NALF1: variants seen among roughly 807,000 people sequenced by gnomAD.
NALF1 encodes the protein family with sequence similarity 155 member A.
In NALF1, 3 loss-of-function variants were observed where a neutral mutation model predicts 48.4. The observed-to-expected ratio is 0.06, with a 90% CI of 0.03 to 0.16. The LOEUF (loss-of-function observed/expected upper bound fraction) is 0.16. NALF1 is among the 10% of genes least tolerant of loss of function. The pLI is 1.00. For missense variants in NALF1, 526 were observed against 571.5 expected (o/e 0.92, Z 0.81); for synonymous variants, 262 against 245.7 (o/e 1.07, Z -0.62).
At chr13:107,174,355 A>AT (rs1260135014) in intron 2 of NALF1, among the ~76,000 whole-genome samples, 3 of 73,018 alleles carry the variant, frequency 4.1e-5, no homozygotes, top group African/African-American at 2.1e-4. Context: ...TTATTTATTT[A>AT]TTTATTTATT....
intron 1 of NALF1, among the ~76,000 whole-genome samples, chr13:107,337,248 A>C (rs1487959253): frequency 6.6e-6 from 1 of 152,112 alleles, no homozygotes; most frequent in African/African-American, 2.4e-5. Context: ...GCAATATGAA[A>C]ATGCATAATT....
intron 1 of NALF1, among the ~76,000 whole-genome samples, chr13:107,465,173 C>T (rs887974139): frequency 1.4e-4 from 21 of 151,898 alleles, no homozygotes; most frequent in South Asian, 2.1e-4. Flanking sequence ...AACTTTGGTA[C>T]GGTCACAGAA....
At chr13:107,768,266 T>C (rs1378041108) in intron 1 of NALF1, among the ~76,000 whole-genome samples, 3 of 152,202 alleles carry the variant, frequency 2.0e-5, no homozygotes, top group Non-Finnish European at 2.9e-5. Context: ...TAGTAATTTG[T>C]TTCTAACATT....
At chr13:107,182,000 C>T (rs1359082701) in intron 2 of NALF1, among the ~76,000 whole-genome samples, 2 of 151,658 alleles carry the variant, frequency 1.3e-5, no homozygotes, top group African/African-American at 4.8e-5. Context: ...AAATTTTTTT[C>T]CATAATTTTT....
intron 1 of NALF1, among the ~76,000 whole-genome samples, chr13:107,711,516 A>G (rs1875591588): frequency 6.6e-6 from 1 of 152,144 alleles, no homozygotes; most frequent in Non-Finnish European, 1.5e-5. Flanking sequence ...TTGTATTTTC[A>G]GTAGAGACAG....
At position 107,164,615 on chromosome 13, in the gene NALF1, CCTTTAA is replaced by C. The variant is rs1156710464; in HGVS notation, c.*5876_*5881del. On this transcript the variant is annotated 3_prime_UTR_variant, in exon 3 of 3. Transcript: ENST00000375915. ...AGAACCACTTCAATTTGTGTAGATGCCTTTAACTTTTGCTTGTCAGTAGTAGCCTTT... is the reference window on the plus strand; with the variant it reads ...AGAACCACTTCAATTTGTGTAGATGCCTTTTGCTTGTCAGTAGTAGCCTTT... The C allele has an allele frequency of 2.0e-5, 3 of 151,044 alleles. No homozygotes were observed. The highest frequency in any genetic ancestry group is 6.6e-5 in the Admixed American group (1 of 15,168). The allele number at this position is 151,044 out of a possible 1,614,324, so 9.4% of individuals were successfully genotyped here.
chr13:107,442,824 C>A (rs1296115695), intron 1 of NALF1, among the ~76,000 whole-genome samples: 1 of 152,028 alleles, frequency 6.6e-6, no homozygotes, highest in Non-Finnish European at 1.5e-5. Context: ...AATGGCAAAT[C>A]GGCATTGATA....
At chr13:107,750,381 A>G (rs1040848526) in intron 1 of NALF1, among the ~76,000 whole-genome samples, 3 of 152,196 alleles carry the variant, frequency 2.0e-5, no homozygotes, top group African/African-American at 7.2e-5. Flanking sequence ...AAGCTATGTA[A>G]ACAATGTTTA....
intron 1 of NALF1, among the ~76,000 whole-genome samples, chr13:107,309,726 C>T (rs1882008470): frequency 6.6e-6 from 1 of 152,260 alleles, no homozygotes; most frequent in Admixed American, 6.5e-5. Context: ...TAACATTTTG[C>T]TCACCTGAGA....
intron 1 of NALF1, among the ~76,000 whole-genome samples, chr13:107,301,074 T>C (rs1383735764): frequency 6.6e-6 from 1 of 152,210 alleles, no homozygotes; most frequent in Admixed American, 6.5e-5. Flanking sequence ...ATATTCCTCT[T>C]TTTTATGTAT....
chr13:107,825,967 G>A (rs1334629825), intron 1 of NALF1, among the ~76,000 whole-genome samples: 4 of 152,198 alleles, frequency 2.6e-5, no homozygotes, highest in Admixed American at 2.0e-4. Context: ...TTTTAGTAGA[G>A]ATGGGGTTTC....
chr13:107,721,262 T>C (rs1166559506), intron 1 of NALF1, among the ~76,000 whole-genome samples: 1 of 151,978 alleles, frequency 6.6e-6, no homozygotes, highest in East Asian at 1.9e-4. Context: ...CATGTAAAAA[T>C]GATACCGGTT....
chr13:107,483,574 C>T (rs977472774), intron 1 of NALF1, among the ~76,000 whole-genome samples: 1 of 151,962 alleles, frequency 6.6e-6, no homozygotes, highest in Non-Finnish European at 1.5e-5. Flanking sequence ...GAAGAGATCA[C>T]TAGACAAAAT....
At chr13:107,416,437 T>A (rs112145560) in intron 1 of NALF1, among the ~76,000 whole-genome samples, 6,569 of 152,056 alleles carry the variant, frequency 0.043, 448 homozygotes, top group African/African-American at 0.15. Context: ...CCCCTCCTCT[T>A]CCTCCTTCTC....
chr13:107,459,270 C>A (rs530782655), intron 1 of NALF1, among the ~76,000 whole-genome samples: 1 of 152,034 alleles, frequency 6.6e-6, no homozygotes, highest in African/African-American at 2.4e-5. Context: ...AGAACAGACA[C>A]CTCATCAGAG....
chr13:107,478,732 A>AT lies in NALF1; in HGVS notation c.916-267978dup, dbSNP rs1474748932. Among the ~76,000 whole-genome samples the AT allele has an allele frequency of 4.2e-3, 629 of 151,362 alleles. 4 individuals carry two copies. The highest frequency in any genetic ancestry group is 0.014 in the African/African-American group (575 of 41,320). On this transcript the variant is annotated intron_variant, in intron 1 of 2. Coordinates refer to ENST00000375915, the MANE Select transcript of NALF1 (RefSeq NM_001080396.3). ...ATAAATGCTTATATTTGTTTTTATA[A>AT]TTTTTTTTTGCATAACTAGGAAAAT...
intron 1 of NALF1, among the ~76,000 whole-genome samples, chr13:107,453,990 C>T (rs1299106080): frequency 1.3e-5 from 2 of 152,160 alleles, no homozygotes; most frequent in Admixed American, 6.5e-5. Context: ...CAAGAGTCAC[C>T]TTTAGTTCCT....
chr13:107,412,864 G>T (rs1248157172), intron 1 of NALF1, among the ~76,000 whole-genome samples: 1 of 152,162 alleles, frequency 6.6e-6, no homozygotes, highest in Non-Finnish European at 1.5e-5. Flanking sequence ...ATTTTAGACT[G>T]CATGAACTTA....
rs535719890 is a variant in NALF1, at chr13:107,261,072, C to T, written c.916-50317G>A. Reference sequence around the variant, plus strand: ...GCATTGAATGGAAGAGTTTATTGTGCGAAGCCACTAAAATTTTGGACTGGT... The same window carrying T: ...GCATTGAATGGAAGAGTTTATTGTGTGAAGCCACTAAAATTTTGGACTGGT... On this transcript the variant is annotated intron_variant, in intron 1 of 2. Coordinates refer to ENST00000375915, the MANE Select transcript of NALF1 (RefSeq NM_001080396.3). Among the ~76,000 whole-genome samples the T allele has an allele frequency of 8.5e-5, 13 of 152,244 alleles. No individual in the cohort carries two copies. The South Asian group carries it at 2.7e-3, about 32-fold the overall frequency.
Sources: gnomAD v4.1 joint callset for allele counts (sites outside exome capture counted in the v4.1 genomes callset) on GRCh38, gnomAD v4.1.1 for gene constraint, MANE v1.5 for transcripts, NCBI Gene and HGNC (gene_info 2026-07-23, HGNC 2026-07-21) for gene names.